Variants in ZNF532 observed in about 807,000 individuals in gnomAD.
ZNF532 encodes zinc finger protein 532.
A neutral mutation model predicts 89.3 loss-of-function variants in ZNF532; 22 were observed. The ratio of observed to expected loss-of-function variants is 0.25; its 90% CI spans 0.18 to 0.35. The LOEUF (loss-of-function observed/expected upper bound fraction) is 0.35, where lower values mean the gene tolerates loss of function less well. ZNF532 is among the 10% of genes least tolerant of loss of function. The probability of loss-of-function intolerance (pLI) is 1.00; values close to 1 mark genes in which losing one functional copy is unlikely to be tolerated. For synonymous variants in ZNF532, 606 were observed against 649.6 expected, an observed-to-expected ratio of 0.93 and a Z score of 1.02; for missense variants, 1,132 against 1,643.4, an observed-to-expected ratio of 0.69 and a Z score of 5.38.
intron 3 of ZNF532, among the ~76,000 whole-genome samples, chr18:58,928,444 C>A (rs1469569914): frequency 1.3e-5 from 2 of 152,214 alleles, no homozygotes; most frequent in African/African-American, 4.8e-5. Context: ...GAGCAGGTCT[C>A]TGGTAAGAGC....
chr18:58,982,897 A>C (rs1376395606), intron 9 of ZNF532, among the ~76,000 whole-genome samples: 1 of 152,094 alleles, frequency 6.6e-6, no homozygotes, highest in East Asian at 1.9e-4. Context: ...GGCAGTCACG[A>C]GGTCAGGAGT....
At chr18:58,934,761 T>C in intron 4 of ZNF532, 147 bp downstream of exon 4, 1 of 779,810 alleles carries the variant, frequency 1.3e-6, no homozygotes, top group East Asian at 2.7e-5. Flanking sequence ...GTTTGTAGAG[T>C]CCATCTGTTT....
chr18:58,913,549 G>A (rs1470932392), intron 2 of ZNF532, among the ~76,000 whole-genome samples: 4 of 151,924 alleles, frequency 2.6e-5, no homozygotes, highest in African/African-American at 4.8e-5. Flanking sequence ...TCAGGAGTTC[G>A]AGACCAGCTT....
intron 2 of ZNF532, among the ~76,000 whole-genome samples, chr18:58,915,238 G>A (rs530761425): frequency 2.6e-5 from 4 of 152,276 alleles, no homozygotes; most frequent in African/African-American, 4.8e-5. Flanking sequence ...ATGCGCTTTC[G>A]GTTGGCCACT....
chr18:58,905,546 T>G (rs1290307991), intron 2 of ZNF532, among the ~76,000 whole-genome samples: 1 of 152,078 alleles, frequency 6.6e-6, no homozygotes, highest in Non-Finnish European at 1.5e-5. Flanking sequence ...ACTATAGGTG[T>G]GCTCCACCAC....
chr18:58,911,022 T>G (rs1025310204), intron 2 of ZNF532, among the ~76,000 whole-genome samples: 1 of 152,076 alleles, frequency 6.6e-6, no homozygotes, highest in Non-Finnish European at 1.5e-5. Flanking sequence ...GGAATCACAG[T>G]CATGAGCTAC....
At chr18:58,888,746 TATATATATAAAATTA>T (rs2058541542) in intron 2 of ZNF532, among the ~76,000 whole-genome samples, 1 of 45,668 alleles carries the variant, frequency 2.2e-5, no homozygotes, top group Admixed American at 4.7e-4. Context: ...ATATATTTTA[TATATATATAAAATTA>T]ATATATATAA....
intron 5 of ZNF532, among the ~76,000 whole-genome samples, chr18:58,945,703 T>C (rs1013225716): frequency 6.6e-6 from 1 of 152,164 alleles, no homozygotes; most frequent in African/African-American, 2.4e-5. Flanking sequence ...TCAGTTCTTT[T>C]CTTGAGGCTA....
At chr18:58,948,563 CTTTT>C (rs1299930937) in intron 6 of ZNF532, among the ~76,000 whole-genome samples, 1 of 133,692 alleles carries the variant, frequency 7.5e-6, no homozygotes. Flanking sequence ...CTTTCCTTTC[CTTTT>C]TTTTTTTTTT....
At chr18:58,893,839 G>C (rs2059072658) in intron 2 of ZNF532, among the ~76,000 whole-genome samples, 1 of 152,186 alleles carries the variant, frequency 6.6e-6, no homozygotes, top group Admixed American at 6.5e-5. Context: ...AAGCCAGAGA[G>C]AGCAGTGGTT....
At chr18:58,923,091 C>A (rs1036921163) in intron 3 of ZNF532, among the ~76,000 whole-genome samples, 2 of 152,022 alleles carry the variant, frequency 1.3e-5, no homozygotes, top group Non-Finnish European at 2.9e-5. Flanking sequence ...TGAATCAGGG[C>A]AGAATGTATA....
chr18:58,896,682 G>C (rs2059274039), intron 2 of ZNF532: 1 of 152,078 alleles, frequency 6.6e-6, no homozygotes, highest in Non-Finnish European at 1.5e-5. Flanking sequence ...CCTTATTTAT[G>C]TTTCTCTTCT....
chr18:58,910,649 TAG>T (rs148523057), intron 2 of ZNF532, among the ~76,000 whole-genome samples: 31 of 149,878 alleles, frequency 2.1e-4, no homozygotes, highest in African/African-American at 2.7e-4. Context: ...GTATTTGTAG[TAG>T]AGAGAGAGAG....
chr18:58,941,733 G>A (rs2063051059), intron 5 of ZNF532, among the ~76,000 whole-genome samples: 1 of 151,838 alleles, frequency 6.6e-6, no homozygotes, highest in Non-Finnish European at 1.5e-5. Flanking sequence ...TGGGATTGCA[G>A]GTGCGAGCCA....
At chr18:58,953,451 A>G (rs2064427603) in intron 6 of ZNF532, 67 bp from the exon 7 acceptor site, 2 of 1,393,782 alleles carry the variant, frequency 1.4e-6, no homozygotes, top group Admixed American at 4.3e-5. Context: ...ATGTTAAGAT[A>G]GCATACTTGT....
chr18:58,979,257 G>A, intron 8 of ZNF532, 90 bp downstream of exon 8: 1 of 860,932 alleles, frequency 1.2e-6, no homozygotes, highest in Admixed American at 2.2e-5. Context: ...CTTGCTGTGT[G>A]CTCCACAGTT....
In ZNF532 at chr18:58,943,523, C is replaced by T. The variant is rs145422447; in HGVS notation, c.2705+3902C>T. Among the ~76,000 whole-genome samples the T allele has an allele frequency of 5.6e-3, 842 of 150,554 alleles. 7 individuals carry two copies. The highest frequency in any genetic ancestry group is 0.02 in the African/African-American group (798 of 40,908). Reference sequence around the variant, plus strand: ...CTGTTGCCAGGCTGTAGTGCAGTGGCGCAATCTTGGCTCACTGCAACCTCC... The same window carrying T: ...CTGTTGCCAGGCTGTAGTGCAGTGGTGCAATCTTGGCTCACTGCAACCTCC... On this transcript the variant is annotated intron_variant, in intron 5 of 9. Transcript: ENST00000591808.
intron 2 of ZNF532, among the ~76,000 whole-genome samples, chr18:58,871,213 C>T (rs553423853): frequency 6.6e-6 from 1 of 152,094 alleles, no homozygotes; most frequent in Non-Finnish European, 1.5e-5. Flanking sequence ...TGGCACTTTA[C>T]GTCTGTTATC....
At chr18:58,911,004 A>G (rs1469698804) in intron 2 of ZNF532, among the ~76,000 whole-genome samples, 1 of 152,034 alleles carries the variant, frequency 6.6e-6, no homozygotes, top group Non-Finnish European at 1.5e-5. Flanking sequence ...TTGGCCTCCC[A>G]AAGTGTTGGA....
Sources: allele counts gnomAD v4.1 joint callset (sites outside exome capture counted in the v4.1 genomes callset), GRCh38; gene constraint gnomAD v4.1.1; transcripts MANE v1.5; gene names NCBI Gene and HGNC (gene_info 2026-07-23, HGNC 2026-07-21).